SCN2A: variants seen among roughly 807,000 people sequenced by gnomAD.
The protein encoded by SCN2A is sodium channel protein type 2 subunit alpha.
Under a neutral mutation model 188.7 loss-of-function variants are expected in SCN2A, and 20 were observed. That is an observed-to-expected ratio of 0.11 (90% CI 0.07 to 0.15). The LOEUF (loss-of-function observed/expected upper bound fraction) is 0.15. Ranked by LOEUF, SCN2A falls within the 10% of genes least tolerant of loss-of-function variation. The probability of loss-of-function intolerance (pLI) is 1.00; values close to 1 mark genes in which losing one functional copy is unlikely to be tolerated. For missense variants in SCN2A, 1,278 were observed against 2,445.0 expected (o/e 0.52, Z 10.07); for synonymous variants, 804 against 833.1 (o/e 0.97, Z 0.60).
In SCN2A at chr2:165,315,777, A is replaced by G. The variant is rs1295267098; in HGVS notation, c.1671+19A>G. Reference sequence around the variant, plus strand: ...ACACCAGGTAAAAATATTAAATTACATGAATTGTGTTCTCATAAATTTTTT... The same window carrying G: ...ACACCAGGTAAAAATATTAAATTACGTGAATTGTGTTCTCATAAATTTTTT... On this transcript the variant is annotated intron_variant, in intron 11 of 26. Transcript: ENST00000375437. 1 of 1,607,484 alleles carries G rather than the reference A, an allele frequency of 6.2e-7. No individual in the cohort carries two copies.
rs748413349 is a variant in SCN2A at position 165,312,047 on chromosome 2, G to A, written c.993G>A (p.Gly331=). The change falls in exon 8 of 27, where the codon GGG becomes GGA. Residue 331 remains glycine, a synonymous_variant. Coordinates refer to ENST00000375437, the MANE Select transcript of SCN2A (RefSeq NM_001040142.2). The part of the protein sequence containing the change: ...EDKSHFYFLE[G]QNDALLCGNS... Reference sequence around the variant, plus strand: ...TAGGTCACTTTTATTTTTTAGAGGGGCAAAATGATGCTCTGCTTTGTGGCA... The same window carrying A: ...TAGGTCACTTTTATTTTTTAGAGGGACAAAATGATGCTCTGCTTTGTGGCA... The A allele has an allele frequency of 1.9e-6, 3 of 1,611,868 alleles. No homozygotes were observed. Among genetic ancestry groups the A allele is most frequent in the Non-Finnish European group, 2.5e-6 (3 of 1,178,818 alleles).
At chr2:165,302,502 CATA>C (rs1201637826) in intron 3 of SCN2A, among the ~76,000 whole-genome samples, 1 of 152,316 alleles carries the variant, frequency 6.6e-6, no homozygotes, top group Admixed American at 6.5e-5. Context: ...CTGAACAGAG[CATA>C]ATGTCTTTTC....
rs1700726784 is a variant in SCN2A, at chr2:165,366,376, C to A, written c.3521-841C>A. Reference sequence around the variant, plus strand: ...TTGATCTAGCAATCCAGAAATTATACAAAGGTGTTTATTGGATTGTTATTG... The same window carrying A: ...TTGATCTAGCAATCCAGAAATTATAAAAAGGTGTTTATTGGATTGTTATTG... On this transcript the variant is annotated intron_variant, in intron 18 of 26. Transcript: ENST00000375437. Among the ~76,000 whole-genome samples, 5 of 152,110 alleles carry A rather than the reference C, an allele frequency of 3.3e-5. No homozygotes were observed. The South Asian group carries it at 1.0e-3, about 32-fold the overall frequency.
At chr2:165,357,335 T>A (rs1700231300) in intron 17 of SCN2A, among the ~76,000 whole-genome samples, 1 of 152,182 alleles carries the variant, frequency 6.6e-6, no homozygotes. Context: ...TTGTTAAATA[T>A]CACAAAGTAG....
chr2:165,284,071 C>G (rs1695714913), intron 1 of SCN2A, among the ~76,000 whole-genome samples: 1 of 150,560 alleles, frequency 6.6e-6, no homozygotes, highest in South Asian at 2.1e-4. Flanking sequence ...CTCTCTCTCT[C>G]TCTGTCTGTT....
intron 13 of SCN2A, among the ~76,000 whole-genome samples, chr2:165,330,742 C>G (rs968627086): frequency 6.6e-6 from 1 of 152,032 alleles, no homozygotes; most frequent in African/African-American, 2.4e-5. Context: ...GGGGTATTTT[C>G]TCTTCTTTTA....
At chr2:165,359,185 A>G (rs965474952) in intron 17 of SCN2A, among the ~76,000 whole-genome samples, 1 of 152,104 alleles carries the variant, frequency 6.6e-6, no homozygotes, top group Non-Finnish European at 1.5e-5. Context: ...TATTGGAGGA[A>G]TGGGATGTAA....
In SCN2A at chr2:165,377,631, C is replaced by T. The variant is rs769205420; in HGVS notation, c.4289C>T (p.Ala1430Val). The T allele has an allele frequency of 6.2e-7, 1 of 1,607,156 alleles. No individual in the cohort carries two copies. Among genetic ancestry groups the T allele is most frequent in the Non-Finnish European group, 8.5e-7 (1 of 1,175,912 alleles). ...TFKGWMDIMY[A>V]AVDSRNVELQ... ...AAGGGATGGATGGATATTATGTATGCAGCTGTTGATTCACGAAATGTAAGT... is the reference window on the plus strand; with the variant it reads ...AAGGGATGGATGGATATTATGTATGTAGCTGTTGATTCACGAAATGTAAGT... The change falls in exon 23 of 27, where the codon GCA becomes GTA. Residue 1430 changes from alanine (A) to valine (V), a missense_variant. This residue lies in a region of SCN2A where 97 missense variants were observed against 266.1 expected (regional missense o/e 0.36). Transcript: ENST00000375437.
At chr2:165,269,832 A>G (rs1413883003) in intron 1 of SCN2A, 1 of 152,002 alleles carries the variant, frequency 6.6e-6, no homozygotes, top group African/African-American at 2.4e-5. Context: ...TTTATATATT[A>G]ACTTTTACAT....
chr2:165,321,258 G>T (rs1698062799), intron 11 of SCN2A, among the ~76,000 whole-genome samples: 1 of 152,156 alleles, frequency 6.6e-6, no homozygotes, highest in Admixed American at 6.5e-5. Flanking sequence ...ACTTTAGCCT[G>T]GACCTTATTG....
rs373913233 is a variant in SCN2A, at chr2:165,389,125, G to A, written c.5319G>A (p.Ala1773=). The A allele has an allele frequency of 1.3e-5, 21 of 1,613,848 alleles. No individual in the cohort carries two copies. The highest frequency in any genetic ancestry group is 5.0e-5 in the Admixed American group (3 of 59,952). ...SFLVVVNMYI[A]VILENFSVAT... ...TGGTTGTGGTGAACATGTACATCGC[G>A]GTCATCCTGGAGAACTTCAGTGTTG... Residue 1773 remains alanine, a synonymous_variant, in exon 27 of 27, where the codon GCG becomes GCA. Transcript: ENST00000375437. This position sits in a 1 kb window ranked among gnomAD's most constrained non-coding sequence, Gnocchi z 4.2.
intron 3 of SCN2A, among the ~76,000 whole-genome samples, chr2:165,303,284 T>G (rs1333158238): frequency 7.0e-6 from 1 of 143,454 alleles, no homozygotes; most frequent in East Asian, 2.1e-4. Context: ...TTTTTTTTTT[T>G]TTTTTTTTTG....
At position 165,387,022 on chromosome 2, in the gene SCN2A, A is replaced by G. The variant is rs1412232251; in HGVS notation, c.4822+6A>G. The G allele has an allele frequency of 6.2e-7, 1 of 1,613,114 alleles. No homozygotes were observed. On this transcript the variant is annotated splice_donor_region_variant and intron_variant, in intron 26 of 26. Coordinates refer to ENST00000375437, the MANE Select transcript of SCN2A (RefSeq NM_001040142.2). ...GGTCATTCTCTCCATTGTAGGTAAG[A>G]AGAGGTGCTTTTATTCAGTTAAGGA...
intron 11 of SCN2A, 31 bp downstream of exon 11, chr2:165,315,789 C>A (rs758211889): frequency 5.0e-6 from 8 of 1,601,250 alleles, no homozygotes; most frequent in Non-Finnish European, 6.8e-6. Flanking sequence ...GAATTGTGTT[C>A]TCATAAATTT....
At chr2:165,312,832 T>C (rs1264623533) in intron 8 of SCN2A, among the ~76,000 whole-genome samples, 2 of 152,180 alleles carry the variant, frequency 1.3e-5, no homozygotes, top group African/African-American at 2.4e-5. Flanking sequence ...CTTTGGACGA[T>C]GATACTGTGG....
At chr2:165,282,485 A>C (rs927051640) in intron 1 of SCN2A, among the ~76,000 whole-genome samples, 2 of 152,226 alleles carry the variant, frequency 1.3e-5, no homozygotes, top group African/African-American at 4.8e-5. Flanking sequence ...TAAATAGCAA[A>C]TAAAAGCCAT....
chr2:165,325,312 C>G (rs1264726941), intron 12 of SCN2A, among the ~76,000 whole-genome samples: 1 of 152,172 alleles, frequency 6.6e-6, no homozygotes, highest in Non-Finnish European at 1.5e-5. Context: ...TTATTTCCTG[C>G]TTCCTCAACT....
intron 3 of SCN2A, among the ~76,000 whole-genome samples, chr2:165,307,405 C>A (rs924183452): frequency 6.6e-6 from 1 of 152,020 alleles, no homozygotes; most frequent in African/African-American, 2.4e-5. Flanking sequence ...TAGAAAGGAC[C>A]TTATTATAAG....
rs562327683 is a variant in SCN2A, at chr2:165,315,394, G to T, written c.1384-77G>T. On this transcript the variant is annotated intron_variant, in intron 10 of 26. Transcript: ENST00000375437. ...TTTTCAAGATTATCTTCATGATATTGAAGCTCAATTAAGCAGTAACATGAT... is the reference window on the plus strand; with the variant it reads ...TTTTCAAGATTATCTTCATGATATTTAAGCTCAATTAAGCAGTAACATGAT... 1.9e-6 allele frequency: 3 copies of T among 1,593,168 alleles called. No individual in the cohort carries two copies. In the East Asian group the frequency reaches 6.7e-5, roughly 36 times the overall value.
Sources: allele counts gnomAD v4.1 joint callset (sites outside exome capture counted in the v4.1 genomes callset), GRCh38; gene constraint gnomAD v4.1.1; regional missense constraint gnomAD v4.1.1; non-coding constraint Gnocchi (gnomAD v3.1); transcripts MANE v1.5; gene names NCBI Gene and HGNC (gene_info 2026-07-23, HGNC 2026-07-21).